Variants in SCFD2 observed in about 807,000 individuals in gnomAD.
The protein encoded by SCFD2 is sec1 family domain containing 2.
SCFD2 carries 54 observed loss-of-function variants against 58.9 expected under a neutral mutation model. The observed-to-expected ratio is 0.92, with a 90% CI of 0.74 to 1.15. The LOEUF is 1.15. Ranked by LOEUF, SCFD2 falls within the 50% of genes most tolerant of loss-of-function variation. The pLI is 0.00. For missense variants in SCFD2, 805 were observed against 836.6 expected (o/e 0.96, Z 0.47); for synonymous variants, 321 against 335.9 (o/e 0.96, Z 0.49).
chr4:53,139,950 G>A (rs1391802571), intron 5 of SCFD2, among the ~76,000 whole-genome samples: 2 of 152,064 alleles, frequency 1.3e-5, no homozygotes, highest in Non-Finnish European at 2.9e-5. Flanking sequence ...TCCACTCAGG[G>A]TTAAATGGAT....
At chr4:53,074,782 G>A (rs1723922790) in intron 5 of SCFD2, among the ~76,000 whole-genome samples, 1 of 152,142 alleles carries the variant, frequency 6.6e-6, no homozygotes, top group Non-Finnish European at 1.5e-5. Context: ...AAGCCACGCT[G>A]TAAACAGATG....
At chr4:52,960,728 AAC>A (rs1244157188) in intron 5 of SCFD2, among the ~76,000 whole-genome samples, 4 of 131,284 alleles carry the variant, frequency 3.0e-5, no homozygotes, top group East Asian at 2.2e-4. Flanking sequence ...ACACACACAC[AAC>A]ACACACACAC....
chr4:53,350,021 C>T (rs774248588), intron 2 of SCFD2, among the ~76,000 whole-genome samples: 4 of 152,156 alleles, frequency 2.6e-5, no homozygotes, highest in Non-Finnish European at 1.5e-5. Context: ...CTAAGAGAAT[C>T]CACCTCATAG....
chr4:52,904,836 C>T lies in SCFD2; in HGVS notation c.1842+2621G>A, dbSNP rs1719308099. Among the ~76,000 whole-genome samples, 5 of 152,180 alleles carry T rather than the reference C, an allele frequency of 3.3e-5. No homozygotes were observed. The South Asian group carries it at 1.0e-3, about 32-fold the overall frequency. On this transcript the variant is annotated intron_variant, in intron 7 of 8. Transcript: ENST00000401642. ...GGGACAAATTCTGGTGTCACTATTTCCTGTGTGCTCTTAGGAAAACGCCTG... is the reference window on the plus strand; with the variant it reads ...GGGACAAATTCTGGTGTCACTATTTTCTGTGTGCTCTTAGGAAAACGCCTG...
chr4:53,352,020 A>G (rs1269684996), intron 2 of SCFD2, among the ~76,000 whole-genome samples: 1 of 152,180 alleles, frequency 6.6e-6, no homozygotes, highest in Non-Finnish European at 1.5e-5. Flanking sequence ...TTAATGAAGG[A>G]CAAAGTTGAG....
At chr4:53,340,723 C>T (rs990647599) in intron 2 of SCFD2, among the ~76,000 whole-genome samples, 11 of 152,190 alleles carry the variant, frequency 7.2e-5, no homozygotes, top group African/African-American at 1.2e-4. Flanking sequence ...TAGGGGGCGA[C>T]GGACACCTCA....
chr4:53,029,079 T>G (rs1458324637), intron 5 of SCFD2, among the ~76,000 whole-genome samples: 1 of 152,268 alleles, frequency 6.6e-6, no homozygotes, highest in Admixed American at 6.5e-5. Flanking sequence ...AAAATAATTC[T>G]ATTCTTTTTG....
chr4:53,160,728 A>C (rs998450273), intron 4 of SCFD2, among the ~76,000 whole-genome samples: 35 of 152,236 alleles, frequency 2.3e-4, no homozygotes, highest in Non-Finnish European at 3.5e-4. Context: ...GAATGCACCA[A>C]GAAAACTTAA....
chr4:52,956,530 C>T, intron 5 of SCFD2: 1 of 282,092 alleles, frequency 3.5e-6, no homozygotes, highest in South Asian at 3.5e-5. Flanking sequence ...CTCTCTAAGG[C>T]TCAGTTTAAT....
chr4:53,067,243 C>G (rs902967536), intron 5 of SCFD2, among the ~76,000 whole-genome samples: 2 of 151,958 alleles, frequency 1.3e-5, no homozygotes, highest in Non-Finnish European at 2.9e-5. Context: ...AGATCTCAAC[C>G]CTGTGTATCA....
chr4:53,201,545 T>A (rs1394837946), intron 4 of SCFD2, among the ~76,000 whole-genome samples: 1 of 152,182 alleles, frequency 6.6e-6, no homozygotes, highest in Non-Finnish European at 1.5e-5. Context: ...TACCCAGTAA[T>A]GGGATGGCTG....
In SCFD2 at chr4:53,068,389, T is replaced by C. The variant is rs189910910; in HGVS notation, c.1561+76944A>G. Among the ~76,000 whole-genome samples, 5 of 152,212 alleles carry C rather than the reference T, an allele frequency of 3.3e-5. No individual in the cohort carries two copies. In the East Asian group the frequency reaches 9.7e-4, roughly 29 times the overall value. On this transcript the variant is annotated intron_variant, in intron 5 of 8. Transcript: ENST00000401642. ...AAGCATTAGCACCAGTTAACTTATTTAAATGACTTCATGTTTAGTTTATTT... is the reference window on the plus strand; with the variant it reads ...AAGCATTAGCACCAGTTAACTTATTCAAATGACTTCATGTTTAGTTTATTT...
At chr4:53,283,593 G>A (rs1464109866) in intron 3 of SCFD2, among the ~76,000 whole-genome samples, 2 of 151,904 alleles carry the variant, frequency 1.3e-5, no homozygotes, top group Non-Finnish European at 2.9e-5. Context: ...TTTTATGGTA[G>A]AGTCTCAGTG....
chr4:53,363,218 C>T (rs989581380), intron 1 of SCFD2, among the ~76,000 whole-genome samples: 27 of 151,972 alleles, frequency 1.8e-4, no homozygotes, highest in African/African-American at 5.3e-4. Flanking sequence ...TCACTGCAAC[C>T]TCTGCCTTCT....
chr4:53,062,336 C>T (rs989261709), intron 5 of SCFD2, among the ~76,000 whole-genome samples: 2 of 151,788 alleles, frequency 1.3e-5, no homozygotes, highest in African/African-American at 4.8e-5. Flanking sequence ...CGTGCCACTG[C>T]ACTCCAGCCT....
At chr4:52,888,824 A>C (rs1375957407) in intron 7 of SCFD2, among the ~76,000 whole-genome samples, 1 of 152,184 alleles carries the variant, frequency 6.6e-6, no homozygotes, top group Non-Finnish European at 1.5e-5. Context: ...ATGTGCCTTC[A>C]ATATCTTTTA....
intron 2 of SCFD2, among the ~76,000 whole-genome samples, chr4:53,344,572 C>T (rs1339133237): frequency 1.3e-5 from 2 of 152,170 alleles, no homozygotes; most frequent in Non-Finnish European, 2.9e-5. Context: ...CTACCAATGA[C>T]TTTCTTCACA....
At chr4:53,274,182 A>AT (rs548641833) in intron 3 of SCFD2, among the ~76,000 whole-genome samples, 181 bp from the exon 4 acceptor site, 194 of 152,346 alleles carry the variant, frequency 1.3e-3, no homozygotes, top group African/African-American at 4.4e-3. Context: ...TGGTCCTATT[A>AT]TTAATACCTG....
chr4:53,125,014 G>A (rs563605197), intron 5 of SCFD2, among the ~76,000 whole-genome samples: 5 of 152,298 alleles, frequency 3.3e-5, no homozygotes, highest in East Asian at 3.9e-4. Context: ...AGATCACCCC[G>A]GGAGAAGGAA....
Sources: gnomAD v4.1 joint callset for allele counts (sites outside exome capture counted in the v4.1 genomes callset) on GRCh38, gnomAD v4.1.1 for gene constraint, MANE v1.5 for transcripts, NCBI Gene and HGNC (gene_info 2026-07-23, HGNC 2026-07-21) for gene names.